The following SBK1 variants were observed in gnomAD, a reference collection of about 807,000 sequenced individuals.
The protein encoded by SBK1 is SH3 domain binding kinase 1.
Under a neutral mutation model 24.4 loss-of-function variants are expected in SBK1, and 11 were observed. The ratio of observed to expected loss-of-function variants is 0.45; its 90% CI spans 0.28 to 0.75. The LOEUF is 0.75. SBK1 is among the 30% of genes least tolerant of loss of function. The pLI is 0.12. For missense variants in SBK1, 467 were observed against 620.5 expected, an observed-to-expected ratio of 0.75 and a Z score of 2.63; for synonymous variants, 308 against 284.4, an observed-to-expected ratio of 1.08 and a Z score of -0.83.
At chr16:28,300,242 AGAT>A (rs2044669626) in intron 1 of SBK1, among the ~76,000 whole-genome samples, 1 of 152,272 alleles carries the variant, frequency 6.6e-6, no homozygotes, top group Non-Finnish European at 1.5e-5. Context: ...GGAGCCAGAT[AGAT>A]GATCTCTACG....
intron 1 of SBK1, among the ~76,000 whole-genome samples, chr16:28,280,326 G>C (rs937072411): frequency 8.0e-6 from 1 of 124,240 alleles, no homozygotes; most frequent in African/African-American, 2.9e-5. Context: ...ATATATATAC[G>C]TACATATGTA....
intron 1 of SBK1, among the ~76,000 whole-genome samples, chr16:28,316,117 G>A (rs182449939): frequency 2.0e-5 from 3 of 152,134 alleles, no homozygotes; most frequent in East Asian, 1.9e-4. Flanking sequence ...TTCATTAGTC[G>A]GGTGGTGAGG....
At chr16:28,276,140 C>T (rs2044492808) in intron 1 of SBK1, among the ~76,000 whole-genome samples, 1 of 152,108 alleles carries the variant, frequency 6.6e-6, no homozygotes, top group African/African-American at 2.4e-5. Context: ...GTTTTCTCAG[C>T]AAAGTGGGAG....
At chr16:28,314,647 G>A (rs1224400744) in intron 1 of SBK1, among the ~76,000 whole-genome samples, 3 of 152,128 alleles carry the variant, frequency 2.0e-5, no homozygotes, top group African/African-American at 7.2e-5. Flanking sequence ...GGGGTGCTTA[G>A]GAGCAGGCTA....
chr16:28,264,214 G>A (rs1265998423), intron 1 of SBK1, among the ~76,000 whole-genome samples: 4 of 152,204 alleles, frequency 2.6e-5, no homozygotes, highest in South Asian at 2.1e-4. Flanking sequence ...AAGGGAATCC[G>A]GGGTGATCTG....
intron 1 of SBK1, among the ~76,000 whole-genome samples, chr16:28,316,760 T>C (rs1437850238): frequency 6.6e-6 from 1 of 152,206 alleles, no homozygotes; most frequent in Non-Finnish European, 1.5e-5. Flanking sequence ...ATGCCTGTAA[T>C]CCAATCTACT....
upstream of SBK1, chr16:28,291,251 G>A (rs911643108): frequency 2.0e-5 from 3 of 151,822 alleles, no homozygotes; most frequent in East Asian, 1.9e-4. Context: ...GCAAACTATC[G>A]CAAGGACAAA....
rs2044612762 is a variant in SBK1 at position 28,293,048 on chromosome 16, C to G, written c.-260C>G. The G allele has an allele frequency of 5.1e-6, 5 of 985,392 alleles. No individual in the cohort carries two copies. The South Asian group carries it at 2.3e-4, about 46-fold the overall frequency. 61.0% of individuals were successfully genotyped at this position (985,392 alleles called of 1,614,324 possible). A position where few individuals can be genotyped will look rare whatever the true frequency, so the allele number is the denominator to read the frequency against. ...TCAGAACGCCCCTAGATCAGGGGATCCCAATTCCCCCCAACTCCGGTACAT... is the reference window on the plus strand; with the variant it reads ...TCAGAACGCCCCTAGATCAGGGGATGCCAATTCCCCCCAACTCCGGTACAT... On this transcript the variant is annotated 5_prime_UTR_variant, in exon 1 of 4. The change creates a new upstream start codon in the 5' untranslated region. Transcript: ENST00000341901.
intron 1 of SBK1, among the ~76,000 whole-genome samples, chr16:28,307,260 T>C (rs1369057345): frequency 6.6e-6 from 1 of 152,214 alleles, no homozygotes; most frequent in Non-Finnish European, 1.5e-5. Context: ...CAATGTCCTA[T>C]GACACAGAGA....
upstream of SBK1, chr16:28,292,480 G>A (rs1322276373): frequency 6.3e-6 from 6 of 956,606 alleles, no homozygotes; most frequent in African/African-American, 3.6e-5. Flanking sequence ...GGGCGGAGCC[G>A]CGGGCCGGGC....
chr16:28,305,232 A>C (rs550112500), intron 1 of SBK1, among the ~76,000 whole-genome samples: 3 of 151,818 alleles, frequency 2.0e-5, no homozygotes, highest in Admixed American at 2.0e-4. Flanking sequence ...CTTTTTTTAG[A>C]GATGGAGTTT....
intron 1 of SBK1, among the ~76,000 whole-genome samples, chr16:28,263,084 T>C (rs995601676): frequency 2.0e-4 from 30 of 152,338 alleles, no homozygotes; most frequent in Admixed American, 1.8e-3. Flanking sequence ...CCCACATGCA[T>C]TGGCCAGAAC....
chr16:28,301,314 C>T (rs755186924), intron 1 of SBK1, among the ~76,000 whole-genome samples: 4 of 152,236 alleles, frequency 2.6e-5, no homozygotes, highest in Non-Finnish European at 5.9e-5. Flanking sequence ...GGCTGGAGAG[C>T]CTGTTCCAGC....
At chr16:28,279,791 T>G (rs926735853) in intron 1 of SBK1, among the ~76,000 whole-genome samples, 4 of 151,912 alleles carry the variant, frequency 2.6e-5, no homozygotes, top group African/African-American at 9.7e-5. Flanking sequence ...GATGAGCCCC[T>G]TCCTCCCCGG....
intron 1 of SBK1, among the ~76,000 whole-genome samples, chr16:28,309,258 G>A (rs1475319743): frequency 2.0e-5 from 3 of 152,154 alleles, no homozygotes; most frequent in South Asian, 2.1e-4. Flanking sequence ...GGCTGACAGC[G>A]ACACACATAC....
intron 1 of SBK1, among the ~76,000 whole-genome samples, chr16:28,261,634 AAG>A (rs1383430997): frequency 6.6e-6 from 1 of 152,164 alleles, no homozygotes; most frequent in Non-Finnish European, 1.5e-5. Context: ...TGTCTCAAAA[AAG>A]AGAAAGAGAG....
intron 1 of SBK1, among the ~76,000 whole-genome samples, chr16:28,315,865 A>C (rs2044791472): frequency 6.6e-6 from 1 of 152,116 alleles, no homozygotes; most frequent in Non-Finnish European, 1.5e-5. Context: ...TCCAGGGTTC[A>C]AGAAGTTCTC....
chr16:28,260,477 G>C (rs1322314150), intron 1 of SBK1, among the ~76,000 whole-genome samples: 1 of 152,242 alleles, frequency 6.6e-6, no homozygotes, highest in Non-Finnish European at 1.5e-5. Flanking sequence ...CCTGGGTGGG[G>C]AGAAGGGTAG....
At position 28,269,917 on chromosome 16, in the gene SBK1, A is replaced by G. The variant is rs546422445; in HGVS notation, c.257+10415A>G. Among the ~76,000 whole-genome samples, 6 of 152,214 alleles carry G rather than the reference A, an allele frequency of 3.9e-5. No homozygotes were observed. In the South Asian group the frequency reaches 1.0e-3, roughly 26 times the overall value. ...AAAAACAAAGGATAAAAATAGACTC[A>G]TGCCAAAGCCAATCGCCAGTAAATT... On this transcript the variant is annotated intron_variant, in intron 1 of 3. Coordinates refer to the SBK1 transcript ENST00000671413.
Sources: allele counts gnomAD v4.1 joint callset (sites outside exome capture counted in the v4.1 genomes callset), GRCh38; gene constraint gnomAD v4.1.1; transcripts MANE v1.5; gene names NCBI Gene and HGNC (gene_info 2026-07-23, HGNC 2026-07-21).